Variants in ANKRD13A observed in about 807,000 individuals in gnomAD.
ANKRD13A encodes ankyrin repeat domain 13A.
Under a neutral mutation model 81.3 loss-of-function variants are expected in ANKRD13A, and 48 were observed. The ratio of observed to expected loss-of-function variants is 0.59; its 90% confidence interval spans 0.47 to 0.75. The LOEUF (loss-of-function observed/expected upper bound fraction) is 0.75. Ranked by LOEUF, ANKRD13A falls within the 30% of genes least tolerant of loss-of-function variation. ANKRD13A has a pLI of 0.00. For missense variants in ANKRD13A, 612 were observed against 734.0 expected (o/e 0.83, Z 1.92); for synonymous variants, 230 against 270.1 (o/e 0.85, Z 1.45).
At chr12:110,027,634 A>C in intron 8 of ANKRD13A, 71 bp from the exon 9 acceptor site, 1 of 1,470,008 alleles carries the variant, frequency 6.8e-7, no homozygotes, top group Middle Eastern at 1.7e-4. Flanking sequence ...CAGAAACTTT[A>C]ATGAAGATCT....
At chr12:110,027,995 C>A in intron 9 of ANKRD13A, 1 of 534,332 alleles carries the variant, frequency 1.9e-6, no homozygotes, top group Non-Finnish European at 3.3e-6. Context: ...AGGTGCTTTC[C>A]CTCTTATCCA....
At chr12:110,006,965 C>T (rs117478133) in intron 1 of ANKRD13A, among the ~76,000 whole-genome samples, 3,644 of 152,206 alleles carry the variant, frequency 0.024, 57 homozygotes, top group East Asian at 0.056. Flanking sequence ...CAGTTCTTTC[C>T]CAATGAATTA....
At chr12:110,032,652 G>T (rs1019606150) in intron 12 of ANKRD13A, 2 of 152,164 alleles carry the variant, frequency 1.3e-5, no homozygotes, top group Admixed American at 1.3e-4. Flanking sequence ...CCCAGTACTG[G>T]GCAGCAGCAT....
intron 13 of ANKRD13A, among the ~76,000 whole-genome samples, chr12:110,035,300 A>G (rs1891965213): frequency 6.6e-6 from 1 of 152,236 alleles, no homozygotes; most frequent in East Asian, 1.9e-4. Context: ...TGTGTCTTCT[A>G]ATCTTGCCCT....
At chr12:110,019,103 C>T (rs774316993) in intron 5 of ANKRD13A, 36 bp from the exon 6 acceptor site, 1 of 1,537,244 alleles carries the variant, frequency 6.5e-7, no homozygotes, top group Non-Finnish European at 8.8e-7. Context: ...ATCTTCCCTA[C>T]TTTGCACTTA....
At chr12:110,033,132 C>G (rs1593231316) in intron 12 of ANKRD13A, among the ~76,000 whole-genome samples, 1 of 150,012 alleles carries the variant, frequency 6.7e-6, no homozygotes, top group African/African-American at 2.5e-5. Flanking sequence ...TGGCTCACTG[C>G]AAGCTCCGCC....
chr12:110,031,416 A>G (rs1181427203), intron 12 of ANKRD13A, among the ~76,000 whole-genome samples: 3 of 151,758 alleles, frequency 2.0e-5, no homozygotes, highest in Admixed American at 2.0e-4. Flanking sequence ...CAGTGGCACA[A>G]TCTCTGCTCA....
chr12:109,999,325 T>C (rs1889809169), upstream of ANKRD13A: 3 of 154,090 alleles, frequency 1.9e-5, no homozygotes, highest in Admixed American at 1.3e-4. The surrounding 1 kb of genome is among the most constrained non-coding windows in gnomAD (Gnocchi z 4.3). Flanking sequence ...TGGAGGTGGG[T>C]GCAATGGCGC....
At chr12:110,001,604 G>A (rs536252396) in intron 1 of ANKRD13A, among the ~76,000 whole-genome samples, 38 of 151,882 alleles carry the variant, frequency 2.5e-4, no homozygotes, top group Middle Eastern at 3.4e-3. Context: ...TATTTTTAGT[G>A]GAGGTGGTAT....
In ANKRD13A at chr12:110,036,655, G is replaced by A. The variant is rs1892068511; in HGVS notation, c.1577+327G>A. The stretch of plus-strand genomic sequence containing the variant: ...TAGTCTCAGCTACTCGGGAGGCTGA[G>A]GCAGGAGAATGGCAAACCCAGGAGG... On this transcript the variant is annotated intron_variant, in intron 14 of 14. Coordinates refer to ENST00000261739, the MANE Select transcript of ANKRD13A (RefSeq NM_033121.2). The surrounding 1 kb of genome is among the most constrained non-coding windows in gnomAD (Gnocchi z 4.6). 6.6e-6 allele frequency among the ~76,000 whole-genome samples: 1 copy of A among 152,196 alleles called. No homozygotes were observed. The highest frequency in any genetic ancestry group is 1.5e-5 in the Non-Finnish European group (1 of 68,038).
chr12:110,028,955 C>T (rs760968623), intron 10 of ANKRD13A: 4 of 222,128 alleles, frequency 1.8e-5, no homozygotes, highest in Admixed American at 1.1e-4. Flanking sequence ...TCAGGCTGGT[C>T]TCGAACTCCT....
rs1593190322 is a variant in ANKRD13A at position 109,999,700 on chromosome 12, C to T, written c.12C>T (p.Ala4=). The T allele has an allele frequency of 1.3e-6, 2 of 1,536,694 alleles. No individual in the cohort carries two copies. Among genetic ancestry groups the T allele is most frequent in the Non-Finnish European group, 8.8e-7 (1 of 1,140,344 alleles). ...ACGGCCTCCTCGCCATGTCCTCGGC[C>T]TGCGACGCGGGCGACCACTACCCCC... MSS[A]CDAGDHYPLH... Residue 4 remains alanine (A), a synonymous_variant, in exon 1 of 15, where the codon GCC becomes GCT. Coordinates refer to ENST00000261739, the MANE Select transcript of ANKRD13A (RefSeq NM_033121.2). This position sits in a 1 kb window ranked among gnomAD's most constrained non-coding sequence, Gnocchi z 4.3.
At chr12:110,027,864 A>T (rs1027792163) in intron 9 of ANKRD13A, 98 bp downstream of exon 9, 17 of 1,184,452 alleles carry the variant, frequency 1.4e-5, no homozygotes, top group Admixed American at 8.9e-5. Context: ...AGCCCACTCT[A>T]TGTAAAGGCC....
chr12:110,009,254 TATTTTTA>T (rs1890388065), intron 1 of ANKRD13A, among the ~76,000 whole-genome samples: 1 of 152,140 alleles, frequency 6.6e-6, no homozygotes, highest in African/African-American at 2.4e-5. Context: ...GCTAATTTTG[TATTTTTA>T]GTAGAGACGG....
At position 110,037,711 on chromosome 12, in the gene ANKRD13A, C is replaced by A; in HGVS notation, c.*157C>A. 1 of 710,668 alleles carries A rather than the reference C, an allele frequency of 1.4e-6. No individual in the cohort carries two copies. Among genetic ancestry groups the A allele is most frequent in the Non-Finnish European group, 2.2e-6 (1 of 447,986 alleles). 44.0% of individuals were successfully genotyped at this position (710,668 alleles called of 1,614,324 possible). On this transcript the variant is annotated 3_prime_UTR_variant, in exon 15 of 15. Transcript: ENST00000261739. ...TGCAGAGGTGCAGAACCAGGGACTCCTGGGCCCATCCAGGCTGCTCCCTGG... is the reference window on the plus strand; with the variant it reads ...TGCAGAGGTGCAGAACCAGGGACTCATGGGCCCATCCAGGCTGCTCCCTGG...
Position 110,016,418 on chromosome 12 carries a change from G to T in ANKRD13A, c.385G>T (p.Glu129Ter). ...APDFYVQMKW[E>*]FTSWVPLVSR... Reference sequence around the variant, plus strand: ...GGATTTCTATGTGCAGATGAAATGGGAATTCACCAGCTGGGGTGAGTGGCT... The same window carrying T: ...GGATTTCTATGTGCAGATGAAATGGTAATTCACCAGCTGGGGTGAGTGGCT... Residue 129 changes from glutamate to a stop codon, truncating the protein, a stop_gained, in exon 4 of 15, where the codon GAA (glutamate) becomes TAA (stop). Transcript: ENST00000261739. LOFTEE classifies it high-confidence loss of function. The T allele has an allele frequency of 6.3e-7, 1 of 1,593,702 alleles. No individual in the cohort carries two copies. Among genetic ancestry groups the T allele is most frequent in the South Asian group, 1.1e-5 (1 of 88,786 alleles).
chr12:110,017,032 C>G (rs752960466), intron 4 of ANKRD13A, among the ~76,000 whole-genome samples: 71 of 152,266 alleles, frequency 4.7e-4, no homozygotes, highest in Non-Finnish European at 8.2e-4. Flanking sequence ...CCCTAGCCCC[C>G]CAAAGTGCTG....
chr12:110,006,457 T>C (rs1890247612), intron 1 of ANKRD13A, among the ~76,000 whole-genome samples: 1 of 152,252 alleles, frequency 6.6e-6, no homozygotes, highest in African/African-American at 2.4e-5. Context: ...GTATCTTCCT[T>C]GGAGAAATGT....
At chr12:110,024,436 T>C (rs1014250296) in intron 7 of ANKRD13A, among the ~76,000 whole-genome samples, 3 of 152,090 alleles carry the variant, frequency 2.0e-5, no homozygotes, top group Non-Finnish European at 4.4e-5. Flanking sequence ...AGAGGAAGGA[T>C]TAGACTTCAC....
Sources: allele counts gnomAD v4.1 joint callset (sites outside exome capture counted in the v4.1 genomes callset), GRCh38; gene constraint gnomAD v4.1.1; non-coding constraint Gnocchi (gnomAD v3.1); transcripts MANE v1.5; gene names NCBI Gene and HGNC (gene_info 2026-07-23, HGNC 2026-07-21).